Variants in ITSN1 observed in about 807,000 individuals in gnomAD.
ITSN1 encodes the protein intersectin 1.
In ITSN1, 58 loss-of-function variants were observed where a neutral mutation model predicts 239.8. That is an observed-to-expected ratio of 0.24 (90% CI 0.20 to 0.30). ITSN1 has a LOEUF of 0.30. ITSN1 is among the 10% of genes least tolerant of loss of function. The pLI, the probability that ITSN1 is intolerant of heterozygous loss-of-function variation, is 1.00. For synonymous variants in ITSN1, 780 were observed against 770.8 expected (o/e 1.01, Z -0.20); for missense variants, 1,558 against 2,103.3 (o/e 0.74, Z 5.07).
At chr21:33,651,089 G>A (rs2088488019) in intron 1 of ITSN1, among the ~76,000 whole-genome samples, 2 of 152,224 alleles carry the variant, frequency 1.3e-5, no homozygotes, top group African/African-American at 2.4e-5. Flanking sequence ...TGGCAGACAC[G>A]CAAGGGTTAT....
intron 18 of ITSN1, among the ~76,000 whole-genome samples, chr21:33,798,009 G>A (rs962629355): frequency 3.3e-5 from 5 of 152,200 alleles, no homozygotes; most frequent in African/African-American, 7.2e-5. Context: ...CGCTGTCTTC[G>A]GTCTGCATTG....
At chr21:33,765,724 T>C (rs1282870571) in intron 9 of ITSN1, 151 bp from the exon 10 acceptor site, 1 of 686,282 alleles carries the variant, frequency 1.5e-6, no homozygotes, top group African/African-American at 1.8e-5. Flanking sequence ...TTTGCAGCAG[T>C]ATAAAATAGG....
chr21:33,786,579 C>A (rs1203636583), intron 16 of ITSN1, among the ~76,000 whole-genome samples: 1 of 152,210 alleles, frequency 6.6e-6, no homozygotes, highest in Non-Finnish European at 1.5e-5. Flanking sequence ...AGCAGTTTTC[C>A]TTGGCACTGA....
At chr21:33,869,536 T>C (rs1360681694) in intron 33 of ITSN1, among the ~76,000 whole-genome samples, 2 of 152,210 alleles carry the variant, frequency 1.3e-5, no homozygotes, top group Non-Finnish European at 2.9e-5. Context: ...TGTGTGTTGA[T>C]ATTAGATGAT....
chr21:33,725,135 T>A (rs2065749678), intron 4 of ITSN1, among the ~76,000 whole-genome samples: 1 of 37,100 alleles, frequency 2.7e-5, no homozygotes, highest in Non-Finnish European at 4.3e-5. Flanking sequence ...TTTTTTTTGT[T>A]TTTTTTTTTT....
chr21:33,858,494 C>T (rs1446807710), intron 30 of ITSN1, among the ~76,000 whole-genome samples, 192 bp from the exon 31 acceptor site: 1 of 152,120 alleles, frequency 6.6e-6, no homozygotes, highest in Non-Finnish European at 1.5e-5. Flanking sequence ...TGCTGGGGAC[C>T]CCCCTCCGGT....
intron 28 of ITSN1, 64 bp from the exon 29 acceptor site, chr21:33,836,377 C>T (rs757296751): frequency 6.9e-5 from 84 of 1,222,496 alleles, no homozygotes; most frequent in South Asian, 1.1e-4. Context: ...TGAATGGCTG[C>T]GCGGTACCCG....
chr21:33,880,954 C>T (rs912905414), intron 34 of ITSN1, among the ~76,000 whole-genome samples: 17 of 152,182 alleles, frequency 1.1e-4, no homozygotes, highest in South Asian at 1.0e-3. Flanking sequence ...GATGGACCCC[C>T]GAGAGGTGTT....
At chr21:33,719,540 T>C (rs541619220) in intron 2 of ITSN1, among the ~76,000 whole-genome samples, 2 of 152,354 alleles carry the variant, frequency 1.3e-5, no homozygotes, top group East Asian at 3.9e-4. Flanking sequence ...TCCCTGATAG[T>C]CTTTAGACAT....
Position 33,819,276 on chromosome 21 carries a change from T to G in ITSN1, c.2969T>G (p.Leu990Arg). 3 of 1,614,100 alleles carry G rather than the reference T, an allele frequency of 1.9e-6. No homozygotes were observed. Among genetic ancestry groups the G allele is most frequent in the Non-Finnish European group, 2.5e-6 (3 of 1,179,936 alleles). The change falls in exon 24 of 40, where the codon CTA (leucine) becomes CGA (arginine). Residue 990 changes from leucine (L) to arginine (R), a missense_variant. Around this residue, in one of 2 missense-constraint regions of ITSN1, gnomAD observed 982 missense variants for 1,209.9 expected, o/e 0.81. Coordinates refer to ENST00000381318, the MANE Select transcript of ITSN1 (RefSeq NM_003024.3). ...GGTTCTTCAGAGAGTCCTGCTAGTC[T>G]AAAGCGAGTAGCCTCTCCAGCAGCC... ...DSGSSESPASLKRVASPAAKP... is the reference protein window; with the variant it reads ...DSGSSESPASRKRVASPAAKP...
In ITSN1 at chr21:33,797,570, C is replaced by G. The variant is rs2071659039; in HGVS notation, c.2144C>G (p.Pro715Arg). The G allele has an allele frequency of 6.2e-7, 1 of 1,613,920 alleles. No homozygotes were observed. The highest frequency in any genetic ancestry group is 8.5e-7 in the Non-Finnish European group (1 of 1,179,936). The stretch of plus-strand genomic sequence containing the variant: ...CGGCTTTTCCATCAACACCAAGAAC[C>G]AGCTAAGCCAGCTGTCCAGGCACCC... ...LGRLFHQHQE[P>R]AKPAVQAPWS... Residue 715 changes from proline to arginine, a missense_variant, in exon 18 of 40, where the codon CCA becomes CGA. Transcript: ENST00000381318. This position sits in a 1 kb window ranked among gnomAD's most constrained non-coding sequence, Gnocchi z 4.9.
intron 4 of ITSN1, among the ~76,000 whole-genome samples, chr21:33,732,817 G>T (rs548067118): frequency 1.2e-4 from 19 of 152,140 alleles, no homozygotes; most frequent in African/African-American, 4.3e-4. Flanking sequence ...GAAATGGGGG[G>T]AATGTTTCAT....
intron 1 of ITSN1, among the ~76,000 whole-genome samples, chr21:33,692,251 CAA>C (rs1242309219): frequency 6.6e-6 from 1 of 152,158 alleles, no homozygotes; most frequent in Non-Finnish European, 1.5e-5. Context: ...ATTTTATAGA[CAA>C]AGAATCTGAA....
chr21:33,836,322 A>G, intron 28 of ITSN1, 119 bp from the exon 29 acceptor site: 1 of 639,962 alleles, frequency 1.6e-6, no homozygotes, highest in Non-Finnish European at 2.5e-6. Flanking sequence ...AGTTCCACCT[A>G]CTGTCACCCT....
intron 1 of ITSN1, among the ~76,000 whole-genome samples, chr21:33,661,351 G>A (rs2089542166): frequency 6.6e-6 from 1 of 151,942 alleles, no homozygotes; most frequent in Admixed American, 6.6e-5. Context: ...AGTCATACAA[G>A]CATTAAGCAT....
rs1005258198 is a variant in ITSN1, at chr21:33,773,684, C to CT, written c.1306-1032dup. 5.3e-3 allele frequency among the ~76,000 whole-genome samples: 766 copies of CT among 144,258 alleles called. 1 individual carries two copies. Among genetic ancestry groups the CT allele is most frequent in the African/African-American group, 0.015 (611 of 39,592 alleles). The allele number at this position is 144,258 out of a possible 152,430, so 94.6% of individuals were successfully genotyped here. On this transcript the variant is annotated intron_variant, in intron 12 of 39. Coordinates refer to ENST00000381318, the MANE Select transcript of ITSN1 (RefSeq NM_003024.3). ...GAAACAAAACTTATAGCCATAACTC[C>CT]TTTTTTTTTTTTTGAGACAGACTCT... is the stretch of plus-strand genomic sequence containing the variant.
chr21:33,769,054 G>A (rs1008324673), intron 11 of ITSN1, among the ~76,000 whole-genome samples: 2 of 152,176 alleles, frequency 1.3e-5, no homozygotes, highest in African/African-American at 4.8e-5. Context: ...TGTAGACTGG[G>A]GAAGATATGA....
Position 33,797,677 on chromosome 21 carries a change from C to G in ITSN1, c.2182+69C>G, listed in dbSNP as rs1056865752. Reference sequence around the variant, plus strand: ...CTCCCAGAGCCTCCTGAAAAATGCCCCTATCTCATCAGTACCTGTCTTGGC... The same window carrying G: ...CTCCCAGAGCCTCCTGAAAAATGCCGCTATCTCATCAGTACCTGTCTTGGC... On this transcript the variant is annotated intron_variant, in intron 18 of 39. Transcript: ENST00000381318. This position sits in a 1 kb window ranked among gnomAD's most constrained non-coding sequence, Gnocchi z 4.9. 20 of 1,242,264 alleles carry G rather than the reference C, an allele frequency of 1.6e-5. No individual in the cohort carries two copies. Among genetic ancestry groups the G allele is most frequent in the Admixed American group, 5.9e-5 (3 of 50,882 alleles). 77.0% of individuals were successfully genotyped at this position (1,242,264 alleles called of 1,614,324 possible).
chr21:33,668,434 G>A (rs866083558), intron 1 of ITSN1, among the ~76,000 whole-genome samples: 4 of 152,180 alleles, frequency 2.6e-5, no homozygotes, highest in Admixed American at 6.5e-5. Context: ...GAAACAGGGA[G>A]TGTTGTCAGG....
Sources: allele counts gnomAD v4.1 joint callset (sites outside exome capture counted in the v4.1 genomes callset), GRCh38; gene constraint gnomAD v4.1.1; regional missense constraint gnomAD v4.1.1; non-coding constraint Gnocchi (gnomAD v3.1); transcripts MANE v1.5; gene names NCBI Gene and HGNC (gene_info 2026-07-23, HGNC 2026-07-21).